Variants in PDE4D observed in about 807,000 individuals in gnomAD.
PDE4D encodes phosphodiesterase 4D.
PDE4D carries 24 observed loss-of-function variants against 87.4 expected under a neutral mutation model. That is an observed-to-expected ratio of 0.27 (90% CI 0.20 to 0.39). The LOEUF (loss-of-function observed/expected upper bound fraction) is 0.39, where lower values mean the gene tolerates loss of function less well. Ranked by LOEUF, PDE4D falls within the 10% of genes least tolerant of loss-of-function variation. The pLI is 1.00. For missense variants in PDE4D, 714 were observed against 1,041.0 expected (o/e 0.69, Z 4.32); for synonymous variants, 384 against 383.2 (o/e 1.00, Z -0.02).
At chr5:60,341,163 G>A (rs1022230316) in intron 1 of PDE4D, among the ~76,000 whole-genome samples, 5 of 151,902 alleles carry the variant, frequency 3.3e-5, no homozygotes, top group African/African-American at 1.2e-4. Context: ...TAATGTTCAT[G>A]CTTCAAAGAA....
chr5:59,548,649 G>T (rs1275667539), intron 1 of PDE4D, among the ~76,000 whole-genome samples: 1 of 152,150 alleles, frequency 6.6e-6, no homozygotes, highest in Non-Finnish European at 1.5e-5. Context: ...TGCACTTGAG[G>T]ATAGGTTTTG....
intron 1 of PDE4D, among the ~76,000 whole-genome samples, chr5:59,347,992 C>T (rs1779881787): frequency 6.6e-6 from 1 of 151,988 alleles, no homozygotes; most frequent in African/African-American, 2.4e-5. Flanking sequence ...ATCTCAGTCT[C>T]TATTTATTTT....
intron 11 of PDE4D, among the ~76,000 whole-genome samples, chr5:58,983,510 T>C (rs920682533): frequency 2.0e-5 from 3 of 152,210 alleles, no homozygotes; most frequent in African/African-American, 7.2e-5. Flanking sequence ...TGGTGGCCCA[T>C]AGTCAGTCAG....
chr5:59,018,902 C>G (rs1200659856), intron 6 of PDE4D, among the ~76,000 whole-genome samples: 1 of 151,178 alleles, frequency 6.6e-6, no homozygotes, highest in East Asian at 2.0e-4. Flanking sequence ...TCTTAGCTAT[C>G]AACTTTGCAG....
At chr5:59,790,077 C>T (rs1312423992) in intron 1 of PDE4D, among the ~76,000 whole-genome samples, 2 of 152,134 alleles carry the variant, frequency 1.3e-5, no homozygotes, top group Non-Finnish European at 2.9e-5. Context: ...CAGAGACACA[C>T]AGAGCCTGGA....
intron 1 of PDE4D, among the ~76,000 whole-genome samples, chr5:59,666,973 T>C (rs1561436661): frequency 2.0e-5 from 3 of 152,202 alleles, no homozygotes; most frequent in South Asian, 2.1e-4. Context: ...GTTGTAAACA[T>C]ATATAAGGCA....
chr5:60,408,849 G>C (rs1741798307), intron 1 of PDE4D, among the ~76,000 whole-genome samples: 1 of 152,182 alleles, frequency 6.6e-6, no homozygotes. Flanking sequence ...CCTTATTTCT[G>C]TGCTTATGCA....
At chr5:59,690,654 C>T (rs555178024) in intron 1 of PDE4D, among the ~76,000 whole-genome samples, 33 of 152,282 alleles carry the variant, frequency 2.2e-4, no homozygotes, top group Middle Eastern at 3.4e-3. Context: ...AGGACATAGG[C>T]ACAGGCAAGG....
intron 1 of PDE4D, among the ~76,000 whole-genome samples, chr5:59,422,713 A>G (rs1232676915): frequency 6.6e-6 from 1 of 152,222 alleles, no homozygotes; most frequent in East Asian, 1.9e-4. Context: ...TACTTTGCTG[A>G]CAGTAAACAT....
chr5:59,019,870 GCTATCTATCTATCTATCTAT>G (rs70973175), intron 6 of PDE4D, among the ~76,000 whole-genome samples: 5,102 of 150,030 alleles, frequency 0.034, 134 homozygotes, highest in Non-Finnish European at 0.047. Context: ...TATATGTTTC[GCTATCTATCTATCTATCTAT>G]CTATCTATCT....
At chr5:59,096,924 T>A (rs1769838075) in intron 5 of PDE4D, among the ~76,000 whole-genome samples, 1 of 152,142 alleles carries the variant, frequency 6.6e-6, no homozygotes, top group South Asian at 2.1e-4. Flanking sequence ...TGGACACAAG[T>A]GTGTAACAAC....
At chr5:60,335,994 G>A (rs1247466307) in intron 1 of PDE4D, among the ~76,000 whole-genome samples, 1 of 152,134 alleles carries the variant, frequency 6.6e-6, no homozygotes, top group Non-Finnish European at 1.5e-5. Flanking sequence ...TGGTCACTTG[G>A]TCAGGGCTCT....
At chr5:59,330,474 C>T (rs911728738) in intron 1 of PDE4D, among the ~76,000 whole-genome samples, 9 of 152,090 alleles carry the variant, frequency 5.9e-5, no homozygotes, top group African/African-American at 2.2e-4. Context: ...TTCATGCTCT[C>T]CCACTCTCCA....
chr5:59,370,913 G>T (rs1360187719), intron 1 of PDE4D, among the ~76,000 whole-genome samples: 1 of 152,188 alleles, frequency 6.6e-6, no homozygotes, highest in Non-Finnish European at 1.5e-5. Flanking sequence ...AATATCCAAG[G>T]TGTAGTGAAA....
At chr5:60,272,967 C>T (rs888386989) in intron 1 of PDE4D, among the ~76,000 whole-genome samples, 4 of 152,178 alleles carry the variant, frequency 2.6e-5, no homozygotes, top group Non-Finnish European at 1.5e-5. Flanking sequence ...AAACCTCTCT[C>T]ACACTTATTT....
Position 59,921,870 on chromosome 5 carries a change from C to A in PDE4D, c.272+66618G>T, listed in dbSNP as rs1754704253. On this transcript the variant is annotated intron_variant, in intron 3 of 16. Transcript: ENST00000502484. ...TAACAATGATCCACACAAAAAGGTA[C>A]CATCTAAGAACCAAAAATCAGGTGA... is the stretch of plus-strand genomic sequence containing the variant. 2.6e-5 allele frequency among the ~76,000 whole-genome samples: 4 copies of A among 152,248 alleles called. No homozygotes were observed. The South Asian group carries it at 8.3e-4, about 32-fold the overall frequency.
chr5:60,500,652 T>C (rs181946228), intron 1 of PDE4D, among the ~76,000 whole-genome samples: 1 of 152,320 alleles, frequency 6.6e-6, no homozygotes, highest in Non-Finnish European at 1.5e-5. Context: ...TTTGTGAACA[T>C]ACATATGAAG....
At chr5:60,265,515 G>T (rs975783277) in intron 1 of PDE4D, among the ~76,000 whole-genome samples, 3 of 152,104 alleles carry the variant, frequency 2.0e-5, no homozygotes, top group Non-Finnish European at 4.4e-5. Flanking sequence ...ATGAGCTCTT[G>T]GTTTTACCTT....
At chr5:59,088,170 T>C (rs770417115) in intron 5 of PDE4D, among the ~76,000 whole-genome samples, 6 of 152,208 alleles carry the variant, frequency 3.9e-5, no homozygotes, top group Non-Finnish European at 7.3e-5. Flanking sequence ...TAACCACTTA[T>C]CTGTTATTTT....
Sources: allele counts gnomAD v4.1 joint callset (sites outside exome capture counted in the v4.1 genomes callset), GRCh38; gene constraint gnomAD v4.1.1; transcripts MANE v1.5; gene names NCBI Gene and HGNC (gene_info 2026-07-23, HGNC 2026-07-21).